GPR141: variants seen among roughly 807,000 people sequenced by gnomAD.
GPR141 encodes probable G protein-coupled receptor 141.
GPR141 carries 6 observed loss-of-function variants against 6.8 expected under a neutral mutation model. That is an observed-to-expected ratio of 0.88 (90% CI 0.48 to 1.74). The LOEUF (loss-of-function observed/expected upper bound fraction) is 1.74. GPR141 is among the 40% of genes most tolerant of loss of function. The pLI is 0.01. For synonymous variants in GPR141, 140 were observed against 142.3 expected (o/e 0.98, Z 0.11); for missense variants, 372 against 372.9 (o/e 1.00, Z 0.02).
chr7:37,700,070 C>CA (rs1453257337), intron 2 of GPR141, among the ~76,000 whole-genome samples: 6 of 152,198 alleles, frequency 3.9e-5, no homozygotes, highest in Non-Finnish European at 1.5e-5. Context: ...AATTTGTCCT[C>CA]AGTCATCCAG....
At chr7:37,702,773 TAAA>T (rs1324850515) in intron 2 of GPR141, among the ~76,000 whole-genome samples, 6 of 112,342 alleles carry the variant, frequency 5.3e-5, no homozygotes, top group African/African-American at 2.0e-4. Flanking sequence ...AATAAAAAAA[TAAA>T]AAAATAAAAA....
chr7:37,713,874 A>C (rs927574243), intron 2 of GPR141, among the ~76,000 whole-genome samples: 2 of 152,188 alleles, frequency 1.3e-5, no homozygotes, highest in Non-Finnish European at 2.9e-5. Flanking sequence ...AAACCTTACA[A>C]CAATACTGCA....
At chr7:37,719,840 T>C (rs901644648) in intron 2 of GPR141, among the ~76,000 whole-genome samples, 3 of 152,038 alleles carry the variant, frequency 2.0e-5, no homozygotes, top group African/African-American at 7.2e-5. Context: ...AATGAGCTTA[T>C]TGGAAGAGAT....
intron 2 of GPR141, among the ~76,000 whole-genome samples, chr7:37,707,703 G>T (rs1810587238): frequency 6.6e-6 from 1 of 152,150 alleles, no homozygotes; most frequent in Non-Finnish European, 1.5e-5. Flanking sequence ...ATAAAGGCAA[G>T]ATTTTAGAGC....
chr7:37,730,326 AAAT>A (rs1811861285), intron 2 of GPR141, among the ~76,000 whole-genome samples: 1 of 152,176 alleles, frequency 6.6e-6, no homozygotes, highest in South Asian at 2.1e-4. Flanking sequence ...GTGGATCTCT[AAAT>A]AATAATAACA....
Position 37,702,834 on chromosome 7 carries a change from T to A in GPR141, c.-15+17251T>A, listed in dbSNP as rs1028361260. 3.5e-4 allele frequency among the ~76,000 whole-genome samples: 48 copies of A among 138,236 alleles called. 2 individuals carry two copies. In the South Asian group the frequency reaches 9.1e-3, roughly 26 times the overall value. The allele number at this position is 138,236 out of a possible 152,430, so 90.7% of individuals were successfully genotyped here. On this transcript the variant is annotated intron_variant, in intron 2 of 2. Transcript: ENST00000334425. Reference sequence around the variant, plus strand: ...AAAAAAAAATAAATAAAATAAAAATTAAAAAAAAAAGTCCCCCCAAAGTCA... The same window carrying A: ...AAAAAAAAATAAATAAAATAAAAATAAAAAAAAAAAGTCCCCCCAAAGTCA...
chr7:37,698,077 T>C (rs1810105306), intron 2 of GPR141, among the ~76,000 whole-genome samples: 1 of 152,206 alleles, frequency 6.6e-6, no homozygotes, highest in East Asian at 1.9e-4. Context: ...TTATTCCTTA[T>C]TGCCTAGACT....
rs73691178 is a variant in GPR141 at position 37,730,477 on chromosome 7, A to C, written c.-14-9903A>C. Among the ~76,000 whole-genome samples the C allele has an allele frequency of 4.1e-3, 628 of 152,342 alleles. 7 individuals carry two copies. The highest frequency in any genetic ancestry group is 0.014 in the African/African-American group (602 of 41,580). On this transcript the variant is annotated intron_variant, in intron 2 of 2. Transcript: ENST00000334425. ...AAGAAATCTAAACATATATCATCTA[A>C]AGCTGGCATCCAGGAAAACAGAGCT...
At chr7:37,695,701 T>C (rs1006730648) in intron 2 of GPR141, among the ~76,000 whole-genome samples, 5 of 152,222 alleles carry the variant, frequency 3.3e-5, no homozygotes, top group African/African-American at 1.2e-4. Context: ...TGTAGTTATT[T>C]ATTCATTGTT....
chr7:37,690,378 G>A (rs913503616), intron 2 of GPR141, among the ~76,000 whole-genome samples: 3 of 152,080 alleles, frequency 2.0e-5, no homozygotes, highest in Non-Finnish European at 4.4e-5. Flanking sequence ...GATAGCGAGA[G>A]GGTTTTCGCA....
chr7:37,691,288 C>CTTTTTTTTT (rs1562764892), intron 2 of GPR141, among the ~76,000 whole-genome samples: 8 of 63,082 alleles, frequency 1.3e-4, no homozygotes, highest in Non-Finnish European at 1.5e-4. Flanking sequence ...AGTCTATATC[C>CTTTTTTTTT]TTTTTTTTTT....
In GPR141 at chr7:37,741,399, A is replaced by T; in HGVS notation, c.*88A>T. 1.0e-6 allele frequency: 1 copy of T among 991,388 alleles called. No homozygotes were observed. 61.4% of individuals were successfully genotyped at this position (991,388 alleles called of 1,614,324 possible). A position where few individuals can be genotyped will look rare whatever the true frequency, so the allele number is the denominator to read the frequency against. ...GGTAAGAATGGTATTTCATTACTTGATCAAAACCATGCCTTGATGTACCCA... is the reference window on the plus strand; with the variant it reads ...GGTAAGAATGGTATTTCATTACTTGTTCAAAACCATGCCTTGATGTACCCA... On this transcript the variant is annotated 3_prime_UTR_variant, in exon 3 of 3. Transcript: ENST00000334425.
chr7:37,722,059 A>T (rs2131819135), intron 2 of GPR141, among the ~76,000 whole-genome samples: 1 of 152,336 alleles, frequency 6.6e-6, no homozygotes, highest in South Asian at 2.1e-4. Flanking sequence ...ATGTCTGTCA[A>T]CATAAAGCAA....
chr7:37,712,236 G>A (rs1810834215), intron 2 of GPR141, among the ~76,000 whole-genome samples: 1 of 152,156 alleles, frequency 6.6e-6, no homozygotes, highest in South Asian at 2.1e-4. Context: ...TTGGTACACA[G>A]CAAGAGAGAA....
At chr7:37,701,926 C>A (rs1342916825) in intron 2 of GPR141, among the ~76,000 whole-genome samples, 1 of 152,152 alleles carries the variant, frequency 6.6e-6, no homozygotes, top group Admixed American at 6.5e-5. Flanking sequence ...CTTTCCTAAC[C>A]TTTCCAGGAA....
rs1357226640 is a variant in GPR141, at chr7:37,741,739, C to G, written c.*428C>G. ...AGTAAATTCTGGCCACCACCCAGCTCCAAAGACACAAACTCTCCTTCGCTA... is the reference window on the plus strand; with the variant it reads ...AGTAAATTCTGGCCACCACCCAGCTGCAAAGACACAAACTCTCCTTCGCTA... On this transcript the variant is annotated 3_prime_UTR_variant, in exon 3 of 3. Transcript: ENST00000334425. Among the ~76,000 whole-genome samples the G allele has an allele frequency of 6.6e-6, 1 of 152,174 alleles. No individual in the cohort carries two copies. The highest frequency in any genetic ancestry group is 1.5e-5 in the Non-Finnish European group (1 of 68,028).
chr7:37,685,166 A>C (rs1419892748), intron 1 of GPR141: 1 of 152,202 alleles, frequency 6.6e-6, no homozygotes, highest in African/African-American at 2.4e-5. Context: ...CAATTTTCCA[A>C]CTATTCTTCT....
chr7:37,705,701 T>A (rs1810494616), intron 2 of GPR141, among the ~76,000 whole-genome samples: 1 of 152,100 alleles, frequency 6.6e-6, no homozygotes, highest in Non-Finnish European at 1.5e-5. Flanking sequence ...AAGAAAATGG[T>A]TTTCATTCTG....
intron 1 of GPR141, 109 bp downstream of exon 1, chr7:37,684,012 G>A (rs1320501193): frequency 2.0e-5 from 3 of 151,170 alleles, no homozygotes; most frequent in Non-Finnish European, 4.4e-5. Context: ...AAATGGTTCT[G>A]CTCTAAAAAG....
Sources: allele counts gnomAD v4.1 joint callset (sites outside exome capture counted in the v4.1 genomes callset), GRCh38; gene constraint gnomAD v4.1.1; transcripts MANE v1.5; gene names NCBI Gene and HGNC (gene_info 2026-07-23, HGNC 2026-07-21).